CHD1L: variants seen among roughly 807,000 people sequenced by gnomAD.
The protein encoded by CHD1L is ATP-dependent chromatin remodeler CHD1L.
A neutral mutation model predicts 115.9 loss-of-function variants in CHD1L; 118 were observed. That is an observed-to-expected ratio of 1.02 (90% CI 0.88 to 1.19). CHD1L has a LOEUF of 1.19. Ranked by LOEUF, CHD1L falls within the 50% of genes most tolerant of loss-of-function variation. The pLI is 0.00. For missense variants in CHD1L, 1,179 were observed against 1,065.3 expected (o/e 1.11, Z -1.49); for synonymous variants, 411 against 387.1 (o/e 1.06, Z -0.72).
intron 15 of CHD1L, among the ~76,000 whole-genome samples, chr1:147,283,710 C>T (rs1681874350): frequency 6.6e-6 from 1 of 152,172 alleles, no homozygotes; most frequent in Non-Finnish European, 1.5e-5. Flanking sequence ...TCTCTCCACC[C>T]TTCTAGAGAC....
chr1:147,199,584 A>G, the CHD1L span, among the ~76,000 whole-genome samples: 1 of 152,336 alleles, frequency 6.6e-6, no homozygotes, highest in East Asian at 1.9e-4. Context: ...CTTGGAAAAG[A>G]GTCCCAGTTG....
chr1:147,184,600 G>A, the CHD1L span: 9,888 of 1,547,932 alleles, frequency 6.4e-3, 44 homozygotes, highest in Non-Finnish European at 7.4e-3. The surrounding 1 kb of genome is among the most constrained non-coding windows in gnomAD (Gnocchi z 4.4). Flanking sequence ...TCTTCAACTT[G>A]GGTTTGTCTG....
intron 14 of CHD1L, among the ~76,000 whole-genome samples, chr1:147,279,740 T>TTAA (rs782704835): frequency 6.6e-6 from 1 of 152,134 alleles, no homozygotes; most frequent in East Asian, 1.9e-4. Context: ...GAAGTTACTA[T>TTAA]TATTCTTCAA....
the CHD1L span, chr1:147,179,503 C>T: frequency 3.6e-5 from 57 of 1,578,376 alleles, no homozygotes; most frequent in Non-Finnish European, 4.8e-5. Context: ...AAGCTAAATC[C>T]AAAGAAATAT....
chr1:147,197,960 G>C, the CHD1L span, among the ~76,000 whole-genome samples: 1 of 152,218 alleles, frequency 6.6e-6, no homozygotes, highest in Non-Finnish European at 1.5e-5. Flanking sequence ...AGGGTTCCAA[G>C]ACAAGGTGGG....
rs782474557 is a variant in CHD1L at position 147,255,820 on chromosome 1, C to T, written c.355C>T (p.Pro119Ser). The change falls in exon 4 of 23, where the codon CCA becomes TCA. Residue 119 changes from proline (P) to serine (S), a missense_variant. By Grantham distance (74) the Pro-to-Ser change is moderately conservative (BLOSUM62 -1). Transcript: ENST00000369258. ...TTCTTTTCTTGGATTCAGATTTGCT[C>T]CAGGTCTTTCCTGTGTAACATATGC... ...NWKEEMQRFAPGLSCVTYAGD... is the reference protein window; with the variant it reads ...NWKEEMQRFASGLSCVTYAGD... The T allele has an allele frequency of 1.2e-6, 2 of 1,607,380 alleles. No homozygotes were observed. The highest frequency in any genetic ancestry group is 2.2e-5 in the East Asian group (1 of 44,730).
chr1:147,289,844 G>C (rs189159304), intron 19 of CHD1L, among the ~76,000 whole-genome samples: 1 of 152,214 alleles, frequency 6.6e-6, no homozygotes, highest in Non-Finnish European at 1.5e-5. Flanking sequence ...AAGAATAGAG[G>C]AGAGTTTCGT....
rs782080826 is a variant in CHD1L at position 147,272,139 on chromosome 1, T to G, written c.1160-32T>G. On this transcript the variant is annotated intron_variant, in intron 11 of 22. Transcript: ENST00000369258. The stretch of plus-strand genomic sequence containing the variant: ...TCCCCAAAGACTACTTGAAAAGGGT[T>G]AAGATTTCTGTTTTTCTTCCTCTCT... 8 of 1,574,856 alleles carry G rather than the reference T, an allele frequency of 5.1e-6. No individual in the cohort carries two copies. The South Asian group carries it at 9.1e-5, about 18-fold the overall frequency.
rs78768873 is a variant in CHD1L, at chr1:147,283,872, T to C, written c.1706-479T>C. ...TATACCAGGATTGTGGTGAGGATCA[T>C]GACGAAGACGCTTGATGAGATCTGT... is the stretch of plus-strand genomic sequence containing the variant. On this transcript the variant is annotated intron_variant, in intron 15 of 22. Coordinates refer to ENST00000369258, the MANE Select transcript of CHD1L (RefSeq NM_004284.6). Among the ~76,000 whole-genome samples the C allele has an allele frequency of 8.1e-3, 1,241 of 152,296 alleles. 10 individuals are homozygous for C. Among genetic ancestry groups the C allele is most frequent in the Non-Finnish European group, 0.013 (886 of 68,008 alleles).
In CHD1L at chr1:147,269,077, T is replaced by A. The variant is rs1177283705; in HGVS notation, c.1085+199T>A. ...CTTCCACAATCATTCTTTCGTTTCC[T>A]GAATTTGTACAGCACTTATAATCCT... is the stretch of plus-strand genomic sequence containing the variant. On this transcript the variant is annotated intron_variant, in intron 10 of 22. Coordinates refer to ENST00000369258, the MANE Select transcript of CHD1L (RefSeq NM_004284.6). Among the ~76,000 whole-genome samples, 10 of 152,302 alleles carry A rather than the reference T, an allele frequency of 6.6e-5. No homozygotes were observed. The East Asian group carries it at 1.9e-3, about 29-fold the overall frequency.
rs1417513790 is a variant in CHD1L at position 147,270,991 on chromosome 1, A to G, written c.1145A>G (p.Tyr382Cys). 6 of 1,613,968 alleles carry G rather than the reference A, an allele frequency of 3.7e-6. No individual in the cohort carries two copies. Among genetic ancestry groups the G allele is most frequent in the South Asian group, 1.1e-5 (1 of 91,080 alleles). ...MTQMLDILQD[Y>C]MDYRGYSYER... Reference sequence around the variant, plus strand: ...CAGATGTTGGATATTCTCCAAGACTATATGGATTACAGAGGTGACACCTTT... The same window carrying G: ...CAGATGTTGGATATTCTCCAAGACTGTATGGATTACAGAGGTGACACCTTT... The change falls in exon 11 of 23, where the codon TAT becomes TGT. Residue 382 changes from tyrosine to cysteine, a missense_variant. Transcript: ENST00000369258.
the CHD1L span, among the ~76,000 whole-genome samples, chr1:147,232,753 G>A: frequency 2.1e-4 from 32 of 152,188 alleles, no homozygotes; most frequent in Non-Finnish European, 2.5e-4. Context: ...TGCCAGCCTC[G>A]GCCTCTGGAG....
the CHD1L span, among the ~76,000 whole-genome samples, chr1:147,196,289 A>G: frequency 6.6e-6 from 1 of 152,120 alleles, no homozygotes; most frequent in African/African-American, 2.4e-5. Flanking sequence ...ATTATTATTT[A>G]TCATCATAAA....
chr1:147,257,515 A>G (rs1221379504), intron 5 of CHD1L, among the ~76,000 whole-genome samples: 3 of 152,118 alleles, frequency 2.0e-5, no homozygotes, highest in Non-Finnish European at 4.4e-5. Context: ...TTGTTCTGAG[A>G]GTTATTGGCA....
the CHD1L span, among the ~76,000 whole-genome samples, chr1:147,191,528 G>T: frequency 6.9e-6 from 1 of 144,046 alleles, no homozygotes; most frequent in Non-Finnish European, 1.6e-5. Flanking sequence ...TTTTGATGGG[G>T]TTGTTTGTTT....
the CHD1L span, chr1:147,186,697 G>A: frequency 1.9e-5 from 27 of 1,392,666 alleles, no homozygotes; most frequent in South Asian, 6.7e-5. Flanking sequence ...GAAGAGTGAC[G>A]GATCATGAGT....
chr1:147,283,298 C>T (rs1287989715), intron 15 of CHD1L, among the ~76,000 whole-genome samples: 7 of 151,278 alleles, frequency 4.6e-5, no homozygotes, highest in Non-Finnish European at 1.0e-4. Flanking sequence ...CAATTGATCT[C>T]TTGAGAATGA....
rs782054654 is a variant in CHD1L at position 147,272,265 on chromosome 1, C to A, written c.1254C>A (p.Leu418=). Residue 418 remains leucine (L), a synonymous_variant, in exon 12 of 23, where the codon CTC becomes CTA. Coordinates refer to ENST00000369258, the MANE Select transcript of CHD1L (RefSeq NM_004284.6). ...NFGQQPIFVF[L]LSTRAGGVGM... is the part of the protein sequence containing the mutation. Reference sequence around the variant, plus strand: ...GACAGCAGCCCATTTTCGTTTTTCTCCTGAGTACTAGGGCAGGTAGGCTGC... The same window carrying A: ...GACAGCAGCCCATTTTCGTTTTTCTACTGAGTACTAGGGCAGGTAGGCTGC... 1.2e-6 allele frequency: 2 copies of A among 1,613,164 alleles called. No homozygotes were observed. Among genetic ancestry groups the A allele is most frequent in the Non-Finnish European group, 1.7e-6 (2 of 1,179,228 alleles).
chr1:147,293,492 GAGAC>G (rs1686372160), intron 20 of CHD1L, 112 bp from the exon 21 acceptor site: 6 of 748,628 alleles, frequency 8.0e-6, no homozygotes, highest in Admixed American at 2.1e-5. Context: ...GCATCCGAAA[GAGAC>G]AGAGCCAAGC....
Sources: allele counts gnomAD v4.1 joint callset (sites outside exome capture counted in the v4.1 genomes callset), GRCh38; gene constraint gnomAD v4.1.1; non-coding constraint Gnocchi (gnomAD v3.1); transcripts MANE v1.5; gene names NCBI Gene and HGNC (gene_info 2026-07-23, HGNC 2026-07-21).